ANO2: variants seen among roughly 807,000 people sequenced by gnomAD.
The protein encoded by ANO2 is anoctamin 2.
ANO2 carries 101 observed loss-of-function variants against 124.2 expected under a neutral mutation model. That is an observed-to-expected ratio of 0.81 (90% CI 0.69 to 0.96). The LOEUF (loss-of-function observed/expected upper bound fraction) is 0.96. Among genes scored for constraint, ANO2 ranks in the 40% least tolerant of loss-of-function variants. The pLI, the probability that ANO2 is intolerant of heterozygous loss-of-function variation, is 0.00. For synonymous variants in ANO2, 486 were observed against 482.5 expected (o/e 1.01, Z -0.09); for missense variants, 1,293 against 1,274.5 (o/e 1.01, Z -0.22).
At chr12:5,638,764 T>C (rs11612142) in intron 15 of ANO2, among the ~76,000 whole-genome samples, 57,695 of 151,326 alleles carry the variant, frequency 0.38, 11,437 homozygotes, top group East Asian at 0.66. Flanking sequence ...TCTGGCTGCC[T>C]GGCACATGGT....
intron 10 of ANO2, among the ~76,000 whole-genome samples, chr12:5,780,806 T>C (rs1952368826): frequency 6.6e-6 from 1 of 152,188 alleles, no homozygotes; most frequent in African/African-American, 2.4e-5. Flanking sequence ...TGTGTATATT[T>C]TGAAGGAGGC....
intron 10 of ANO2, among the ~76,000 whole-genome samples, chr12:5,770,522 A>C (rs1157285855): frequency 6.6e-6 from 1 of 152,138 alleles, no homozygotes; most frequent in African/African-American, 2.4e-5. Context: ...TTTTTTAAAA[A>C]ATCAAATTCC....
intron 19 of ANO2, among the ~76,000 whole-genome samples, chr12:5,609,960 TAC>T (rs1944405199): frequency 7.0e-6 from 1 of 143,814 alleles, no homozygotes; most frequent in Non-Finnish European, 1.5e-5. Flanking sequence ...AATGTATACA[TAC>T]ATTTATGTAT....
intron 14 of ANO2, among the ~76,000 whole-genome samples, chr12:5,695,015 C>T (rs1949110613): frequency 6.6e-6 from 1 of 152,124 alleles, no homozygotes; most frequent in Non-Finnish European, 1.5e-5. Flanking sequence ...CTGGTGCATA[C>T]TTAAGTGCTA....
chr12:5,813,243 C>G (rs758708300), intron 7 of ANO2, among the ~76,000 whole-genome samples: 13 of 152,262 alleles, frequency 8.5e-5, no homozygotes, highest in South Asian at 4.2e-4. Context: ...GGGGTCAGAA[C>G]CCCAGTGGTC....
chr12:5,743,562 G>C (rs1035284643), intron 12 of ANO2, among the ~76,000 whole-genome samples: 2 of 152,064 alleles, frequency 1.3e-5, no homozygotes, highest in African/African-American at 4.8e-5. Flanking sequence ...TACTCTGGGA[G>C]GAAGGGAGGA....
intron 4 of ANO2, among the ~76,000 whole-genome samples, chr12:5,848,365 C>G (rs1416751757): frequency 6.6e-6 from 1 of 150,388 alleles, no homozygotes; most frequent in East Asian, 1.9e-4. Context: ...ACTTCCCCCC[C>G]TCCCCAGTTA....
intron 3 of ANO2, among the ~76,000 whole-genome samples, chr12:5,883,502 G>GGTGTGTGTGTGTGTGTGTGTGTGTGT (rs5796191): frequency 2.1e-5 from 3 of 144,582 alleles, no homozygotes; most frequent in Admixed American, 6.9e-5. Flanking sequence ...ACATTAGGGT[G>GGTGTGTGTGTGTGTGTGTGTGTGTGT]GTGTGTGTGT....
chr12:5,716,816 A>C (rs1479114663), intron 14 of ANO2, among the ~76,000 whole-genome samples: 1 of 152,132 alleles, frequency 6.6e-6, no homozygotes, highest in African/African-American at 2.4e-5. Flanking sequence ...TGGGCAGAAG[A>C]ATTTCTTGGC....
At chr12:5,758,993 A>C (rs186729317) in intron 10 of ANO2, among the ~76,000 whole-genome samples, 82 of 151,762 alleles carry the variant, frequency 5.4e-4, no homozygotes, top group East Asian at 3.1e-3. Flanking sequence ...AAGAAAATAC[A>C]AAGGGAAAAA....
At chr12:5,847,958 T>C (rs745600266) in intron 4 of ANO2, among the ~76,000 whole-genome samples, 5 of 152,218 alleles carry the variant, frequency 3.3e-5, no homozygotes, top group African/African-American at 4.8e-5. Flanking sequence ...AGAATTAAAG[T>C]GTCAGTGGCA....
intron 10 of ANO2, among the ~76,000 whole-genome samples, chr12:5,768,660 C>A (rs1393534792): frequency 6.6e-6 from 1 of 152,170 alleles, no homozygotes; most frequent in African/African-American, 2.4e-5. Context: ...CTTGCCTTCT[C>A]ATCACCAGCC....
chr12:5,646,288 C>T (rs1174918985), intron 15 of ANO2, among the ~76,000 whole-genome samples: 1 of 152,172 alleles, frequency 6.6e-6, no homozygotes, highest in East Asian at 1.9e-4. Flanking sequence ...AGATTTTAGC[C>T]TGGTATTACT....
chr12:5,755,472 T>C (rs972245674), intron 10 of ANO2, among the ~76,000 whole-genome samples: 3 of 152,066 alleles, frequency 2.0e-5, no homozygotes, highest in Non-Finnish European at 4.4e-5. Flanking sequence ...TTGTTACGTA[T>C]GTATACATGT....
intron 13 of ANO2, among the ~76,000 whole-genome samples, chr12:5,734,987 A>G (rs1290833784): frequency 6.6e-6 from 1 of 152,166 alleles, no homozygotes; most frequent in Non-Finnish European, 1.5e-5. Flanking sequence ...TAGCTTCCTA[A>G]GCACTCAGAC....
At chr12:5,693,060 T>C (rs1949013033) in intron 14 of ANO2, among the ~76,000 whole-genome samples, 1 of 152,074 alleles carries the variant, frequency 6.6e-6, no homozygotes, top group African/African-American at 2.4e-5. Flanking sequence ...CATCATCCCA[T>C]CTCTAAACTT....
intron 4 of ANO2, among the ~76,000 whole-genome samples, chr12:5,853,356 C>A (rs10849350): frequency 0.55 from 81,899 of 148,806 alleles, 25,316 homozygotes; most frequent in South Asian, 0.78. Context: ...AAAAAAAAAA[C>A]TACCTCAAAC....
chr12:5,844,612 A>G (rs1954621983), intron 4 of ANO2, among the ~76,000 whole-genome samples: 1 of 152,208 alleles, frequency 6.6e-6, no homozygotes, highest in East Asian at 1.9e-4. Context: ...TTCTTACTGT[A>G]CGGGTGAGAA....
rs1009628422 is a variant in ANO2, at chr12:5,904,391, G to A, written c.534+16649C>T. Among the ~76,000 whole-genome samples the A allele has an allele frequency of 6.6e-6, 1 of 152,218 alleles. No homozygotes were observed. The highest frequency in any genetic ancestry group is 1.5e-5 in the Non-Finnish European group (1 of 68,038). ...TACACTGAAGGGTCTGAATGAGTGG[G>A]ATTGGAAGGAGGGAGAGTGATGGGA... On this transcript the variant is annotated intron_variant, in intron 3 of 24. Coordinates refer to ENST00000682330, the MANE Select transcript of ANO2 (RefSeq NM_001364791.2). The surrounding 1 kb of genome is among the most constrained non-coding windows in gnomAD (Gnocchi z 4.1).
Sources: allele counts gnomAD v4.1 joint callset (sites outside exome capture counted in the v4.1 genomes callset), GRCh38; gene constraint gnomAD v4.1.1; non-coding constraint Gnocchi (gnomAD v3.1); transcripts MANE v1.5; gene names NCBI Gene and HGNC (gene_info 2026-07-23, HGNC 2026-07-21).